OR3A2: variants seen among roughly 807,000 people sequenced by gnomAD.
The protein encoded by OR3A2 is olfactory receptor family 3 subfamily A member 2, also known as olfactory receptor 3A2.
For missense variants in OR3A2, 318 were observed against 392.8 expected (o/e 0.81, Z 1.61); for synonymous variants, 126 against 159.3 (o/e 0.79, Z 1.57).
upstream of OR3A2, among the ~76,000 whole-genome samples, chr17:3,286,571 G>A (rs2048815326): frequency 6.6e-6 from 1 of 151,652 alleles, no homozygotes; most frequent in Non-Finnish European, 1.5e-5. Context: ...ATCCTCTCCA[G>A]CATCTATTGT....
chr17:3,383,989 GT>G (rs2049759460), intron 1 of OR3A2: 1 of 19,732 alleles, frequency 5.1e-5, no homozygotes, highest in Non-Finnish European at 7.2e-5. Context: ...AATAAATATT[GT>G]ATACAATATT....
At chr17:3,289,687 T>C (rs1209096774) in intron 3 of OR3A2, among the ~76,000 whole-genome samples, 2 of 152,282 alleles carry the variant, frequency 1.3e-5, no homozygotes, top group East Asian at 3.9e-4. Flanking sequence ...AACCTTAATA[T>C]AACCTAGTGC....
intron 2 of OR3A2, among the ~76,000 whole-genome samples, chr17:3,372,086 A>T (rs1425382334): frequency 7.1e-6 from 1 of 141,698 alleles, no homozygotes; most frequent in African/African-American, 2.8e-5. Context: ...TGCCAGGCGG[A>T]GGGTCTCCTC....
chr17:3,322,719 G>C (rs1410850913), intron 3 of OR3A2, among the ~76,000 whole-genome samples: 4 of 152,160 alleles, frequency 2.6e-5, no homozygotes, highest in Admixed American at 1.3e-4. Flanking sequence ...TAGTTTGATT[G>C]CACTGTGGTC....
chr17:3,306,408 G>A (rs1242193014), intron 3 of OR3A2, among the ~76,000 whole-genome samples: 3 of 152,004 alleles, frequency 2.0e-5, no homozygotes, highest in Non-Finnish European at 2.9e-5. Context: ...CTCCCAAACT[G>A]TTGGGATTAG....
In OR3A2 at chr17:3,360,826, T is replaced by C. The variant is rs1243292915; in HGVS notation, c.-179+22978A>G. Among the ~76,000 whole-genome samples the C allele has an allele frequency of 7.2e-5, 11 of 151,844 alleles. No homozygotes were observed. In the East Asian group the frequency reaches 9.6e-4, roughly 13 times the overall value. ...TGCTGTTTTGGTTACTGTAACCTTGTAGTATAGTTTGAAGTCAGATAGCGT... is the reference window on the plus strand; with the variant it reads ...TGCTGTTTTGGTTACTGTAACCTTGCAGTATAGTTTGAAGTCAGATAGCGT... On this transcript the variant is annotated intron_variant, in intron 2 of 4. Coordinates refer to the OR3A2 transcript ENST00000573491.
At chr17:3,331,097 G>A (rs2049228629) in intron 3 of OR3A2, among the ~76,000 whole-genome samples, 1 of 152,056 alleles carries the variant, frequency 6.6e-6, no homozygotes, top group South Asian at 2.1e-4. Context: ...TAGTCTGATG[G>A]GCTTCCCTTT....
At chr17:3,371,695 T>G (rs1243185096) in intron 2 of OR3A2, among the ~76,000 whole-genome samples, 1,845 of 35,438 alleles carry the variant, frequency 0.052, no homozygotes, top group Non-Finnish European at 0.064. Flanking sequence ...CGGGCGGGGG[T>G]GCTGACCCCC....
intron 2 of OR3A2, among the ~76,000 whole-genome samples, chr17:3,349,235 G>T (rs1050971373): frequency 6.6e-6 from 1 of 152,038 alleles, no homozygotes; most frequent in African/African-American, 2.4e-5. Flanking sequence ...ACACAGACTG[G>T]CAAATTGGAT....
chr17:3,343,353 G>A (rs2049336563), intron 2 of OR3A2, among the ~76,000 whole-genome samples: 2 of 152,198 alleles, frequency 1.3e-5, no homozygotes, highest in Admixed American at 6.5e-5. Flanking sequence ...CATGCTGGAA[G>A]CTGTAGACCA....
At chr17:3,323,456 T>G (rs1379824794) in intron 3 of OR3A2, among the ~76,000 whole-genome samples, 1 of 152,116 alleles carries the variant, frequency 6.6e-6, no homozygotes, top group Admixed American at 6.6e-5. Context: ...CTAACCTCGA[T>G]GGTCTTTATA....
At chr17:3,341,100 T>A (rs997989052) in intron 2 of OR3A2, among the ~76,000 whole-genome samples, 4 of 152,206 alleles carry the variant, frequency 2.6e-5, no homozygotes, top group Non-Finnish European at 4.4e-5. Context: ...CTGCTTGTTT[T>A]TTGCTTTCCA....
At chr17:3,332,594 ACTGT>A (rs918595375) in intron 3 of OR3A2, among the ~76,000 whole-genome samples, 15 of 152,176 alleles carry the variant, frequency 9.9e-5, no homozygotes, top group African/African-American at 3.6e-4. Flanking sequence ...ACCTGCGCCC[ACTGT>A]CTGGCACTCC....
intron 3 of OR3A2, among the ~76,000 whole-genome samples, chr17:3,296,340 G>C (rs189481322): frequency 6.6e-6 from 1 of 152,088 alleles, no homozygotes; most frequent in South Asian, 2.1e-4. Context: ...TTAAATCAGT[G>C]TTCAGAAAAG....
chr17:3,318,004 G>A (rs1488194031), intron 3 of OR3A2, among the ~76,000 whole-genome samples: 2 of 152,100 alleles, frequency 1.3e-5, no homozygotes, highest in African/African-American at 2.4e-5. Flanking sequence ...TTATTTTGGC[G>A]TTTTAGTTAA....
At position 3,297,288 on chromosome 17, in the gene OR3A2, C is replaced by G. The variant is rs117098109; in HGVS notation, c.-84-18135G>C. ...ATAAATACTCTGTGAATTGACATAT[C>G]TATAGGAGCAGAACAATTCCCTTAC... On this transcript the variant is annotated intron_variant, in intron 3 of 4. Coordinates refer to the OR3A2 transcript ENST00000573491. 5.4e-3 allele frequency among the ~76,000 whole-genome samples: 817 copies of G among 152,294 alleles called. 2 individuals are homozygous for G. Among genetic ancestry groups the G allele is most frequent in the South Asian group, 0.019 (93 of 4,826 alleles).
intron 3 of OR3A2, among the ~76,000 whole-genome samples, chr17:3,303,997 T>C (rs1165066935): frequency 0.037 from 5 of 136 alleles, no homozygotes; most frequent in Non-Finnish European, 0.069. Flanking sequence ...ATACTAATAA[T>C]ATATATATAT....
At chr17:3,337,931 C>T (rs547680402) in intron 2 of OR3A2, among the ~76,000 whole-genome samples, 7 of 152,290 alleles carry the variant, frequency 4.6e-5, no homozygotes, top group South Asian at 2.1e-4. Flanking sequence ...TCCTTTCCAG[C>T]GCCTGTTGTT....
At chr17:3,378,157 C>G (rs1012339914) in intron 2 of OR3A2, among the ~76,000 whole-genome samples, 4 of 152,204 alleles carry the variant, frequency 2.6e-5, no homozygotes. Context: ...CACCTAGGAA[C>G]CTGTCTGCCT....
Sources: gnomAD v4.1 joint callset for allele counts (sites outside exome capture counted in the v4.1 genomes callset) on GRCh38, gnomAD v4.1.1 for gene constraint, MANE v1.5 for transcripts, NCBI Gene and HGNC (gene_info 2026-07-23, HGNC 2026-07-21) for gene names.